TTC6: variants seen among roughly 807,000 people sequenced by gnomAD.
The protein encoded by TTC6 is tetratricopeptide repeat protein 6.
Under a neutral mutation model 210.4 loss-of-function variants are expected in TTC6, and 172 were observed. That is an observed-to-expected ratio of 0.82 (90% CI 0.72 to 0.93). The LOEUF is 0.93. TTC6 is among the 40% of genes least tolerant of loss of function. The pLI is 0.00. For missense variants in TTC6, 2,414 were observed against 2,318.1 expected (o/e 1.04, Z -0.85); for synonymous variants, 804 against 819.6 (o/e 0.98, Z 0.32).
At chr14:37,760,551 A>G (rs115519122) in intron 14 of TTC6, among the ~76,000 whole-genome samples, 2,542 of 152,286 alleles carry the variant, frequency 0.017, 55 homozygotes, top group Middle Eastern at 0.075. Flanking sequence ...CTTCCTTGTC[A>G]GGATCAGCTG....
exon 9 of TTC6, chr14:37,737,706 G>T: frequency 6.6e-7 from 1 of 1,523,570 alleles, no homozygotes; most frequent in Admixed American, 2.0e-5. Context: ...ATCCAAAAAT[G>T]GTTTAGTGCA....
chr14:37,792,184 A>G, intron 16 of TTC6, 80 bp from the exon 19 acceptor site: 1 of 1,125,938 alleles, frequency 8.9e-7, no homozygotes. Context: ...CATCTGTTTC[A>G]TTCAGTTTAT....
chr14:37,602,135 C>A (rs1182897305), intron 1 of TTC6, among the ~76,000 whole-genome samples: 1 of 152,218 alleles, frequency 6.6e-6, no homozygotes, highest in Non-Finnish European at 1.5e-5. Flanking sequence ...GCTCTGCGCG[C>A]CCGCAGGGCA....
intron 5 of TTC6, among the ~76,000 whole-genome samples, chr14:37,704,230 T>A (rs954306126): frequency 1.3e-5 from 2 of 152,108 alleles, no homozygotes; most frequent in Non-Finnish European, 2.9e-5. Context: ...ATTATTATAT[T>A]TTTTTGTAGA....
chr14:37,841,373 G>C, intron 29 of TTC6, 72 bp from the exon 32 acceptor site: 1 of 1,305,260 alleles, frequency 7.7e-7, no homozygotes, highest in Non-Finnish European at 1.1e-6. Flanking sequence ...TTAAAATTAA[G>C]AGTAAAAGTG....
At chr14:37,790,170 G>A (rs574681807) in intron 15 of TTC6, among the ~76,000 whole-genome samples, 10 of 152,126 alleles carry the variant, frequency 6.6e-5, no homozygotes, top group African/African-American at 2.2e-4. Flanking sequence ...CAAGCCGTCC[G>A]CCTTACCTCC....
At chr14:37,778,062 G>C (rs947685127) in intron 14 of TTC6, among the ~76,000 whole-genome samples, 2 of 152,158 alleles carry the variant, frequency 1.3e-5, no homozygotes, top group South Asian at 4.1e-4. Context: ...GTGCTTCATT[G>C]GGTGGTGGCA....
At chr14:37,751,704 A>G (rs532188747) in intron 13 of TTC6, among the ~76,000 whole-genome samples, 10 of 152,200 alleles carry the variant, frequency 6.6e-5, no homozygotes, top group African/African-American at 2.4e-4. Context: ...CTATTTATTT[A>G]CTATTATAAA....
intron 3 of TTC6, among the ~76,000 whole-genome samples, chr14:37,689,248 G>A (rs2095799233): frequency 6.6e-6 from 1 of 152,010 alleles, no homozygotes; most frequent in South Asian, 2.1e-4. Flanking sequence ...CTTAAAGACA[G>A]GCTATTTGAA....
rs771728156 is a variant in TTC6, at chr14:37,823,976, G to T, written c.4974+19G>T. On this transcript the variant is annotated intron_variant, in intron 27 of 30. Coordinates refer to ENST00000553443, the Ensembl canonical transcript of TTC6. ...TTTGCAGGTAATATAGCAACATTTTGAGCATTAAAAGCATGTTTTGGGGAG... is the reference window on the plus strand; with the variant it reads ...TTTGCAGGTAATATAGCAACATTTTTAGCATTAAAAGCATGTTTTGGGGAG... 6.7e-5 allele frequency: 108 copies of T among 1,607,556 alleles called. No homozygotes were observed. The highest frequency in any genetic ancestry group is 8.9e-5 in the Non-Finnish European group (105 of 1,174,796).
At chr14:37,730,028 G>A (rs1310241668) in intron 7 of TTC6, among the ~76,000 whole-genome samples, 1 of 152,056 alleles carries the variant, frequency 6.6e-6, no homozygotes, top group Non-Finnish European at 1.5e-5. Flanking sequence ...CCAATGACCA[G>A]GAGAGAAAGG....
intron 1 of TTC6, among the ~76,000 whole-genome samples, chr14:37,596,312 C>T (rs1224682593): frequency 1.3e-5 from 2 of 152,244 alleles, no homozygotes; most frequent in Non-Finnish European, 2.9e-5. Flanking sequence ...GAGCAAGGGC[C>T]TGGGCGCGGG....
At chr14:37,792,293 G>A in exon 17 of TTC6, 2 of 1,525,280 alleles carry the variant, frequency 1.3e-6, no homozygotes, top group Non-Finnish European at 1.7e-6. Context: ...GTAAATATTG[G>A]CCTCATACAT....
intron 27 of TTC6, among the ~76,000 whole-genome samples, chr14:37,825,712 C>T (rs1478713660): frequency 6.6e-6 from 1 of 152,020 alleles, no homozygotes; most frequent in East Asian, 1.9e-4. Flanking sequence ...CAGATGCTGG[C>T]GTGATTTATC....
intron 1 of TTC6, among the ~76,000 whole-genome samples, chr14:37,633,778 A>AATGAGACACTCC (rs2095674761): frequency 6.6e-6 from 1 of 152,132 alleles, no homozygotes; most frequent in South Asian, 2.1e-4. Flanking sequence ...GGAGAACAGT[A>AATGAGACACTCC]ATGAGACACT....
intron 1 of TTC6, among the ~76,000 whole-genome samples, chr14:37,630,835 T>C (rs2095668047): frequency 6.6e-6 from 1 of 151,000 alleles, no homozygotes; most frequent in East Asian, 1.9e-4. Context: ...CATTATGTAA[T>C]GCCCTTCTTT....
At chr14:37,697,284 T>C (rs1444489795) in intron 4 of TTC6, among the ~76,000 whole-genome samples, 1 of 152,120 alleles carries the variant, frequency 6.6e-6, no homozygotes, top group Non-Finnish European at 1.5e-5. Flanking sequence ...ACCATTAATA[T>C]CATGCTTCAT....
At chr14:37,607,999 T>C (rs2095628181) in intron 2 of TTC6, among the ~76,000 whole-genome samples, 1 of 152,186 alleles carries the variant, frequency 6.6e-6, no homozygotes, top group African/African-American at 2.4e-5. Context: ...TTTTAATTTG[T>C]ATTTATGAGA....
chr14:37,763,815 C>G (rs988989174), intron 14 of TTC6, among the ~76,000 whole-genome samples: 6 of 151,270 alleles, frequency 4.0e-5, no homozygotes, highest in Admixed American at 1.3e-4. Context: ...TTGCTCTAAT[C>G]TTTATTATTT....
Sources: allele counts gnomAD v4.1 joint callset (sites outside exome capture counted in the v4.1 genomes callset), GRCh38; gene constraint gnomAD v4.1.1; transcripts MANE v1.5; gene names NCBI Gene and HGNC (gene_info 2026-07-23, HGNC 2026-07-21).